MCM8: variants seen among roughly 807,000 people sequenced by gnomAD.
MCM8 encodes the protein minichromosome maintenance 8 homologous recombination repair factor.
MCM8 carries 85 observed loss-of-function variants against 98.9 expected under a neutral mutation model. The ratio of observed to expected loss-of-function variants is 0.86; its 90% CI spans 0.72 to 1.03. MCM8 has a LOEUF of 1.03. Ranked by LOEUF, MCM8 falls within the 50% of genes least tolerant of loss-of-function variation. The pLI, the probability that MCM8 is intolerant of heterozygous loss-of-function variation, is 0.00. For synonymous variants in MCM8, 352 were observed against 338.6 expected (o/e 1.04, Z -0.44); for missense variants, 951 against 997.8 (o/e 0.95, Z 0.63).
chr20:5,987,383 T>C (rs1266676523), intron 17 of MCM8, 25 bp downstream of exon 17: 66 of 1,571,154 alleles, frequency 4.2e-5, no homozygotes, highest in Non-Finnish European at 5.5e-5. Context: ...TCAAATTGTT[T>C]TAAATGAAAT....
chr20:5,986,245 GAT>G, intron 16 of MCM8, 114 bp downstream of exon 16: 1 of 926,476 alleles, frequency 1.1e-6, no homozygotes. Flanking sequence ...TCTATAGAGA[GAT>G]GTTAGAAATG....
chr20:5,982,257 T>C (rs977112456), intron 13 of MCM8, among the ~76,000 whole-genome samples: 2 of 152,198 alleles, frequency 1.3e-5, no homozygotes, highest in Admixed American at 6.5e-5. Flanking sequence ...AGCAGTTATT[T>C]TCCATATACT....
At chr20:5,965,949 G>A (rs540024517) in intron 8 of MCM8, among the ~76,000 whole-genome samples, 1 of 151,984 alleles carries the variant, frequency 6.6e-6, no homozygotes, top group African/African-American at 2.4e-5. Flanking sequence ...TTCATCCTGG[G>A]ATCTTGCTTC....
Position 5,985,016 on chromosome 20 carries a change from C to G in MCM8, c.1953+16C>G. 1 of 1,597,698 alleles carries G rather than the reference C, an allele frequency of 6.3e-7. No individual in the cohort carries two copies. The highest frequency in any genetic ancestry group is 8.6e-7 in the Non-Finnish European group (1 of 1,166,180). On this transcript the variant is annotated intron_variant, in intron 15 of 18. Coordinates refer to ENST00000610722, the MANE Select transcript of MCM8 (RefSeq NM_032485.6). ...AAGACTAAAGGTATAAATGTTTCTTCTCCTTATTCAGTTTGGTTCTGTTTG... is the reference window on the plus strand; with the variant it reads ...AAGACTAAAGGTATAAATGTTTCTTGTCCTTATTCAGTTTGGTTCTGTTTG...
chr20:5,983,229 A>C, intron 14 of MCM8, 64 bp downstream of exon 14: 1 of 1,361,442 alleles, frequency 7.3e-7, no homozygotes, highest in Non-Finnish European at 1.0e-6. Flanking sequence ...TAAGAAAAAG[A>C]AATAGTTCAC....
intron 10 of MCM8, among the ~76,000 whole-genome samples, chr20:5,970,205 A>T (rs2089373121): frequency 6.6e-6 from 1 of 152,268 alleles, no homozygotes; most frequent in African/African-American, 2.4e-5. Context: ...TGACTGAGAC[A>T]GTATAGCCTG....
At position 5,984,819 on chromosome 20, in the gene MCM8, T is replaced by C. The variant is rs61752030; in HGVS notation, c.1772T>C (p.Phe591Ser). ...SALLSRFDLV[F>S]ILLDTPNEHH... Reference sequence around the variant, plus strand: ...CTACTATCCAGATTTGATTTGGTCTTTATCCTGTTAGATACTCCAAATGAG... The same window carrying C: ...CTACTATCCAGATTTGATTTGGTCTCTATCCTGTTAGATACTCCAAATGAG... The change falls in exon 15 of 19, where the codon TTT (phenylalanine) becomes TCT (serine). Residue 591 changes from phenylalanine to serine, a missense_variant. Coordinates refer to ENST00000610722, the MANE Select transcript of MCM8 (RefSeq NM_032485.6). The C allele has an allele frequency of 2.9e-4, 463 of 1,613,940 alleles. 1 individual carries two copies. The highest frequency in any genetic ancestry group is 3.6e-4 in the Non-Finnish European group (429 of 1,179,922).
chr20:5,957,124 A>G lies in MCM8; in HGVS notation c.487-2A>G, dbSNP rs746822710. On this transcript the variant is annotated splice_acceptor_variant, in intron 5 of 18. Transcript: ENST00000610722. LOFTEE classifies it high-confidence loss of function. ...TTCAGAGTAAATGTCTGTCCTGTTTAGGTGTTAACTAAGGACCTTGAAAGG... is the reference window on the plus strand; with the variant it reads ...TTCAGAGTAAATGTCTGTCCTGTTTGGGTGTTAACTAAGGACCTTGAAAGG... 2 of 1,606,116 alleles carry G rather than the reference A, an allele frequency of 1.2e-6. No homozygotes were observed. The highest frequency in any genetic ancestry group is 1.3e-5 in the African/African-American group (1 of 74,722).
chr20:5,954,738 A>T (rs546944857), intron 4 of MCM8, 48 bp downstream of exon 4: 2 of 1,144,086 alleles, frequency 1.7e-6, no homozygotes, highest in South Asian at 1.3e-5. Context: ...CATCTTACCA[A>T]TGTATTCGAG....
At position 5,967,440 on chromosome 20, in the gene MCM8, C is replaced by T. The variant is rs778185030; in HGVS notation, c.880C>T (p.Gln294Ter). 3 of 1,610,952 alleles carry T rather than the reference C, an allele frequency of 1.9e-6. No individual in the cohort carries two copies. Among genetic ancestry groups the T allele is most frequent in the South Asian group, 1.1e-5 (1 of 90,364 alleles). ...AAAACTATTTAAACTTTTTAGAATC[C>T]AGGAATTGATGTCTGATGATCAGAG... Reference protein sequence around the residue: ...VTMDWQSIKIQELMSDDQREA... With the variant: ...VTMDWQSIKI The change falls in exon 9 of 19, where the codon CAG (glutamine) becomes TAG (stop). Residue 294 changes from glutamine to a stop codon, truncating the protein, a stop_gained. Transcript: ENST00000610722. LOFTEE classifies it high-confidence loss of function.
intron 6 of MCM8, 118 bp downstream of exon 6, chr20:5,957,347 C>A: frequency 1.6e-6 from 1 of 615,974 alleles, no homozygotes; most frequent in Non-Finnish European, 2.8e-6. Context: ...GAGTTCCTTG[C>A]CATCTCATTG....
At chr20:5,976,797 C>T (rs1314832498) in intron 12 of MCM8, among the ~76,000 whole-genome samples, 2 of 151,974 alleles carry the variant, frequency 1.3e-5, no homozygotes, top group Non-Finnish European at 2.9e-5. Context: ...GGAGTCTGTC[C>T]GGCTCTCTCT....
At position 5,994,474 on chromosome 20, in the gene MCM8, GACAGACACAC is replaced by G. The variant is rs1165632098; in HGVS notation, c.*87_*96del. On this transcript the variant is annotated 3_prime_UTR_variant, in exon 19 of 19. Transcript: ENST00000610722. ...GAAGATATGCGTGCACGCACAGACA[GACAGACACAC>G]ACACACACACACACACACACACACA... The G allele has an allele frequency of 2.0e-3, 1,040 of 527,170 alleles. 4 individuals carry two copies. The East Asian group carries it at 0.033, about 17-fold the overall frequency. The allele number at this position is 527,170 out of a possible 1,614,324, so 32.7% of individuals were successfully genotyped here. A position where few individuals can be genotyped will look rare whatever the true frequency, so the allele number is the denominator to read the frequency against.
rs539322779 is a variant in MCM8, at chr20:5,970,374, T to C, written c.1224-1633T>C. 3.9e-5 allele frequency among the ~76,000 whole-genome samples: 6 copies of C among 152,278 alleles called. No homozygotes were observed. In the East Asian group the frequency reaches 7.7e-4, roughly 20 times the overall value. On this transcript the variant is annotated intron_variant, in intron 10 of 18. Coordinates refer to ENST00000610722, the MANE Select transcript of MCM8 (RefSeq NM_032485.6). ...GATTCTGGAGTTACTGGTAGGGAAA[T>C]GATGGCAGCCAGTGTAGGTGCCTTA...
chr20:5,994,478 GACACAC>G lies in MCM8; in HGVS notation c.*127_*132del, dbSNP rs11472210. 0.014 allele frequency: 5,217 copies of G among 383,052 alleles called. 7 individuals carry two copies. Among genetic ancestry groups the G allele is most frequent in the South Asian group, 0.017 (348 of 21,008 alleles). The allele number at this position is 383,052 out of a possible 1,614,324, so 23.7% of individuals were successfully genotyped here. A position where few individuals can be genotyped will look rare whatever the true frequency, so the allele number is the denominator to read the frequency against. On this transcript the variant is annotated 3_prime_UTR_variant, in exon 19 of 19. Transcript: ENST00000610722. ...ATATGCGTGCACGCACAGACAGACA[GACACAC>G]ACACACACACACACACACACACACA...
intron 15 of MCM8, among the ~76,000 whole-genome samples, chr20:5,985,441 CAAA>C (rs59820663): frequency 6.5e-5 from 6 of 92,702 alleles, no homozygotes; most frequent in East Asian, 2.7e-4. Flanking sequence ...GAGACTGTCT[CAAA>C]AAAAAAAAAA....
At chr20:5,955,347 G>T in intron 5 of MCM8, 96 bp downstream of exon 5, 1 of 1,181,464 alleles carries the variant, frequency 8.5e-7, no homozygotes, top group South Asian at 1.5e-5. Context: ...ATTTTACAGT[G>T]ACTGTACTTT....
intron 8 of MCM8, among the ~76,000 whole-genome samples, chr20:5,965,786 G>T (rs1439163649): frequency 1.7e-5 from 1 of 60,258 alleles, no homozygotes; most frequent in Non-Finnish European, 6.1e-5. Flanking sequence ...CTTAGAGTAT[G>T]CCTGTACCAT....
At position 5,952,009 on chromosome 20, in the gene MCM8, A is replaced by G. The variant is rs753194741; in HGVS notation, c.-5-2A>G. On this transcript the variant is annotated splice_acceptor_variant, in intron 1 of 18. Coordinates refer to ENST00000610722, the MANE Select transcript of MCM8 (RefSeq NM_032485.6). LOFTEE classifies it low-confidence loss of function (5UTR_SPLICE). ...AAGACCTTTTTAATATCTATCTTTT[A>G]GGAGAGATGAATGGAGAGTATAGAG... is the stretch of plus-strand genomic sequence containing the variant. The G allele has an allele frequency of 3.1e-6, 5 of 1,608,554 alleles. No individual in the cohort carries two copies. The highest frequency in any genetic ancestry group is 3.4e-6 in the Non-Finnish European group (4 of 1,177,712).
Sources: gnomAD v4.1 joint callset for allele counts (sites outside exome capture counted in the v4.1 genomes callset) on GRCh38, gnomAD v4.1.1 for gene constraint, MANE v1.5 for transcripts, NCBI Gene and HGNC (gene_info 2026-07-23, HGNC 2026-07-21) for gene names.